EPS15: variants seen among roughly 807,000 people sequenced by gnomAD.
EPS15 encodes epidermal growth factor receptor pathway substrate 15.
A neutral mutation model predicts 113.8 loss-of-function variants in EPS15; 72 were observed. The ratio of observed to expected loss-of-function variants is 0.63; its 90% CI spans 0.52 to 0.77. The LOEUF is 0.77. Ranked by LOEUF, EPS15 falls within the 30% of genes least tolerant of loss-of-function variation. The pLI is 0.00. For missense variants in EPS15, 1,048 were observed against 1,045.8 expected, an observed-to-expected ratio of 1.00 and a Z score of -0.03; for synonymous variants, 344 against 363.4, an observed-to-expected ratio of 0.95 and a Z score of 0.61.
At chr1:51,357,391 A>AAAAAAAAAAT (rs1491245303) in intron 24 of EPS15, among the ~76,000 whole-genome samples, 13 of 65,732 alleles carry the variant, frequency 2.0e-4, no homozygotes, top group African/African-American at 9.1e-4. Context: ...AAAAAAAAAA[A>AAAAAAAAAAT]ATATATATAT....
At chr1:51,505,931 G>A (rs1311175641) in intron 1 of EPS15, among the ~76,000 whole-genome samples, 2 of 151,972 alleles carry the variant, frequency 1.3e-5, no homozygotes, top group Non-Finnish European at 2.9e-5. Context: ...CTGTCACCCA[G>A]GCTGGATTAC....
rs1272784490 is a variant in EPS15, at chr1:51,359,605, C to T, written c.2544+1566G>A. ...AGAAACCCCGTCTCTACTAAAAATA[C>T]AAAATTAGCCAGGTGTGGTGGGTAT... On this transcript the variant is annotated intron_variant, in intron 24 of 24. Transcript: ENST00000371733. 2.0e-5 allele frequency among the ~76,000 whole-genome samples: 3 copies of T among 148,898 alleles called. No individual in the cohort carries two copies. In the South Asian group the frequency reaches 6.4e-4, roughly 32 times the overall value.
rs1653101323 is a variant in EPS15 at position 51,446,902 on chromosome 1, G to A, written c.797+58C>T. ...ACAAATGACTAAAAATCAAAATGCA[G>A]AAACTGGAATTGATACAAAACCATA... On this transcript the variant is annotated intron_variant, in intron 10 of 24. Coordinates refer to ENST00000371733, the MANE Select transcript of EPS15 (RefSeq NM_001981.3). 1.4e-5 allele frequency: 20 copies of A among 1,397,980 alleles called. No individual in the cohort carries two copies. In the South Asian group the frequency reaches 2.0e-4, roughly 14 times the overall value. 86.6% of individuals were successfully genotyped at this position (1,397,980 alleles called of 1,614,324 possible). A position where few individuals can be genotyped will look rare whatever the true frequency, so the allele number is the denominator to read the frequency against.
At chr1:51,380,057 G>GAA (rs149612289) in intron 21 of EPS15, among the ~76,000 whole-genome samples, 6 of 130,658 alleles carry the variant, frequency 4.6e-5, no homozygotes, top group African/African-American at 5.7e-5. Context: ...CTGCTTCCAG[G>GAA]AAAAAAAAAA....
chr1:51,490,189 A>G (rs1214539225), intron 1 of EPS15: 3 of 366,916 alleles, frequency 8.2e-6, no homozygotes, highest in East Asian at 1.1e-4. Context: ...ATTAGAGTAC[A>G]TGACTTTGAG....
intron 1 of EPS15, 50 bp from the exon 2 acceptor site, chr1:51,481,364 T>A: frequency 1.2e-6 from 1 of 830,686 alleles, no homozygotes; most frequent in Non-Finnish European, 2.1e-6. Context: ...TAACTTCTAT[T>A]AACATATTTG....
At chr1:51,400,505 G>A (rs770878714) in intron 19 of EPS15, among the ~76,000 whole-genome samples, 1 of 150,928 alleles carries the variant, frequency 6.6e-6, no homozygotes, top group Non-Finnish European at 1.5e-5. Context: ...GACCAACCTC[G>A]GCAACACAGT....
chr1:51,500,265 A>C (rs1389345282), intron 1 of EPS15, among the ~76,000 whole-genome samples: 2 of 152,220 alleles, frequency 1.3e-5, no homozygotes, highest in African/African-American at 4.8e-5. Context: ...TGGTATACAA[A>C]TGTGTTCAAG....
chr1:51,429,522 AGACT>A (rs1332696179), intron 12 of EPS15, among the ~76,000 whole-genome samples: 1 of 152,180 alleles, frequency 6.6e-6, no homozygotes, highest in Admixed American at 6.5e-5. Context: ...AATTCTAGAC[AGACT>A]AACTTACCTA....
At chr1:51,428,560 C>G (rs139684425) in intron 12 of EPS15, among the ~76,000 whole-genome samples, 50 of 152,198 alleles carry the variant, frequency 3.3e-4, no homozygotes, top group African/African-American at 1.0e-3. Flanking sequence ...GGTGCAGTGG[C>G]TCACTCCTGT....
intron 1 of EPS15, among the ~76,000 whole-genome samples, chr1:51,487,289 T>C (rs888638722): frequency 2.6e-5 from 4 of 152,182 alleles, no homozygotes; most frequent in Non-Finnish European, 4.4e-5. Context: ...AAATAGTTTG[T>C]TTTTAAATAT....
chr1:51,437,322 C>T (rs904906482), intron 12 of EPS15, among the ~76,000 whole-genome samples: 2 of 151,720 alleles, frequency 1.3e-5, no homozygotes, highest in African/African-American at 4.8e-5. Flanking sequence ...AAATATATTC[C>T]TTTTTTCATT....
intron 4 of EPS15, among the ~76,000 whole-genome samples, chr1:51,469,467 T>C (rs1434375232): frequency 6.6e-6 from 1 of 152,186 alleles, no homozygotes; most frequent in Non-Finnish European, 1.5e-5. Context: ...ACTTAATAAA[T>C]AAATGCAAAG....
chr1:51,429,631 C>A (rs1449219428), intron 12 of EPS15, among the ~76,000 whole-genome samples: 1 of 146,944 alleles, frequency 6.8e-6, no homozygotes, highest in Non-Finnish European at 1.5e-5. Context: ...CAGCCTTTTA[C>A]TGTTGTTGTT....
chr1:51,370,042 C>CTA (rs1646608736), intron 21 of EPS15, among the ~76,000 whole-genome samples: 1 of 152,214 alleles, frequency 6.6e-6, no homozygotes, highest in African/African-American at 2.4e-5. Context: ...TGAAAAACAG[C>CTA]TATCTACCAG....
At chr1:51,451,499 AAAAAAAAAAG>A (rs1287943320) in intron 8 of EPS15, among the ~76,000 whole-genome samples, 2 of 150,454 alleles carry the variant, frequency 1.3e-5, no homozygotes, top group Non-Finnish European at 3.0e-5. Flanking sequence ...TCAAAAAAAA[AAAAAAAAAAG>A]AAAGAAAGAA....
At chr1:51,398,696 A>G (rs1648213864) in intron 20 of EPS15, among the ~76,000 whole-genome samples, 1 of 152,266 alleles carries the variant, frequency 6.6e-6, no homozygotes, top group African/African-American at 2.4e-5. Flanking sequence ...CATTATTTCA[A>G]TAATATACCA....
In EPS15 at chr1:51,371,039, C is replaced by T. The variant is rs72910230; in HGVS notation, c.2120-5010G>A. ...AAAGCGATTCTTGTGCCTCAGCCTC[C>T]GAGTAGCTTGCATTACAGGTGTATG... On this transcript the variant is annotated intron_variant, in intron 21 of 24. Transcript: ENST00000371733. Among the ~76,000 whole-genome samples, 1,118 of 151,986 alleles carry T rather than the reference C, an allele frequency of 7.4e-3. 13 individuals are homozygous for T. The highest frequency in any genetic ancestry group is 0.026 in the African/African-American group (1,072 of 41,432).
Position 51,514,365 on chromosome 1 carries a change from A to AT in EPS15, c.33+4833dup, listed in dbSNP as rs201846282. Among the ~76,000 whole-genome samples the AT allele has an allele frequency of 5.6e-3, 812 of 143,878 alleles. 7 individuals are homozygous for AT. The highest frequency in any genetic ancestry group is 0.02 in the African/African-American group (773 of 39,024). The allele number at this position is 143,878 out of a possible 152,430, so 94.4% of individuals were successfully genotyped here. ...CTTGGTTTTGGTTTCCAGAGTACTG[A>AT]TTTTTTTTTTAAAAACTTTTATTTT... On this transcript the variant is annotated intron_variant, in intron 1 of 24. Coordinates refer to ENST00000371733, the MANE Select transcript of EPS15 (RefSeq NM_001981.3).
Sources: allele counts gnomAD v4.1 joint callset (sites outside exome capture counted in the v4.1 genomes callset), GRCh38; gene constraint gnomAD v4.1.1; transcripts MANE v1.5; gene names NCBI Gene and HGNC (gene_info 2026-07-23, HGNC 2026-07-21).